Variants in GZMA observed in about 807,000 individuals in gnomAD.
GZMA encodes CTL tryptase.
Under a neutral mutation model 21.1 loss-of-function variants are expected in GZMA, and 17 were observed. The observed-to-expected ratio is 0.81, with a 90% CI of 0.55 to 1.21. GZMA has a LOEUF of 1.21. Among genes scored for constraint, GZMA ranks in the 50% most tolerant of loss-of-function variants. The pLI, the probability that GZMA is intolerant of heterozygous loss-of-function variation, is 0.00. For missense variants in GZMA, 306 were observed against 315.9 expected (o/e 0.97, Z 0.24); for synonymous variants, 90 against 107.8 (o/e 0.83, Z 1.03).
In GZMA at chr5:55,108,288, T is replaced by C. The variant is rs1554048091; in HGVS notation, c.521T>C (p.Ile174Thr). 2 of 1,613,738 alleles carry C rather than the reference T, an allele frequency of 1.2e-6. No homozygotes were observed. The highest frequency in any genetic ancestry group is 8.5e-7 in the Non-Finnish European group (1 of 1,179,678). Residue 174 changes from isoleucine to threonine, a missense_variant, in exon 4 of 5, where the codon ATA becomes ACA. Physicochemically the swap from Ile to Thr is moderately conservative, Grantham distance 89 (BLOSUM62 -1). Transcript: ENST00000274306. The stretch of plus-strand genomic sequence containing the variant: ...CTGAGAGAAGTCAATATCACCATCA[T>C]AGACAGAAAAGTCTGCAATGATCGA... The part of the protein sequence containing the change: ...DTLREVNITI[I>T]DRKVCNDRNH...
At position 55,107,800 on chromosome 5, in the gene GZMA, A is replaced by G; in HGVS notation, c.222A>G (p.Lys74=). The change falls in exon 3 of 5, where the codon AAA becomes AAG. Residue 74 remains lysine, a synonymous_variant. Transcript: ENST00000274306. The part of the protein sequence containing the change: ...VLTAAHCNLN[K]RSQVILGAHS... The stretch of plus-strand genomic sequence containing the variant: ...ATGTTGTGTCTGTTCTCAGGAACAA[A>G]AGGTCCCAGGTCATTCTTGGGGCTC... The G allele has an allele frequency of 6.2e-7, 1 of 1,612,364 alleles. No individual in the cohort carries two copies. Among genetic ancestry groups the G allele is most frequent in the Non-Finnish European group, 8.5e-7 (1 of 1,178,786 alleles).
Position 55,107,810 on chromosome 5 carries a change from G to A in GZMA, c.232G>A (p.Val78Ile), listed in dbSNP as rs752702531. 2 of 1,613,042 alleles carry A rather than the reference G, an allele frequency of 1.2e-6. No individual in the cohort carries two copies. Among genetic ancestry groups the A allele is most frequent in the South Asian group, 2.2e-5 (2 of 91,026 alleles). Residue 78 changes from valine (V) to isoleucine (I), a missense_variant, in exon 3 of 5, where the codon GTC becomes ATC. Transcript: ENST00000274306. ...AHCNLNKRSQ[V>I]ILGAHSITRE... Reference sequence around the variant, plus strand: ...TGTTCTCAGGAACAAAAGGTCCCAGGTCATTCTTGGGGCTCACTCAATAAC... The same window carrying A: ...TGTTCTCAGGAACAAAAGGTCCCAGATCATTCTTGGGGCTCACTCAATAAC...
rs754365765 is a variant in GZMA, at chr5:55,105,433, G to C, written c.71-41G>C. The C allele has an allele frequency of 1.0e-5, 16 of 1,583,516 alleles. No homozygotes were observed. The African/African-American group carries it at 1.5e-4, about 15-fold the overall frequency. ...ACATGACTTTGTGTAGAGCTCTTTG[G>C]GGGTGAGCACCAATCTGATTTGTCT... On this transcript the variant is annotated intron_variant, in intron 1 of 4. Coordinates refer to ENST00000274306, the MANE Select transcript of GZMA (RefSeq NM_006144.4).
rs745611072 is a variant in GZMA at position 55,110,219 on chromosome 5, CT to C, written c.*41del. 2.7e-6 allele frequency: 4 copies of C among 1,463,156 alleles called. No homozygotes were observed. In the Middle Eastern group the frequency reaches 6.7e-4, roughly 245 times the overall value. The allele number at this position is 1,463,156 out of a possible 1,614,324, so 90.6% of individuals were successfully genotyped here. The stretch of plus-strand genomic sequence containing the variant: ...CTTTCATTTACTGTGGCTTCTTAAT[CT>C]TTTCACAAATAAAATCAATTTGCAT... On this transcript the variant is annotated 3_prime_UTR_variant, in exon 5 of 5. Transcript: ENST00000274306.
intron 1 of GZMA, among the ~76,000 whole-genome samples, chr5:55,105,001 C>G (rs1169609868): frequency 6.6e-6 from 1 of 152,132 alleles, no homozygotes; most frequent in Admixed American, 6.5e-5. Context: ...CTAAACGATG[C>G]TAATATCGGT....
At chr5:55,106,639 G>A (rs1742422828) in intron 2 of GZMA, among the ~76,000 whole-genome samples, 2 of 152,170 alleles carry the variant, frequency 1.3e-5, no homozygotes, top group South Asian at 4.1e-4. Context: ...CAACCATCAA[G>A]TACAGAAAGC....
At chr5:55,109,923 G>A in intron 4 of GZMA, 98 bp from the exon 5 acceptor site, 1 of 762,766 alleles carries the variant, frequency 1.3e-6, no homozygotes, top group Non-Finnish European at 2.0e-6. Context: ...GTCAAGGTTG[G>A]TCTTAACTGC....
At chr5:55,107,108 G>C (rs975056884) in intron 2 of GZMA, among the ~76,000 whole-genome samples, 10 of 152,204 alleles carry the variant, frequency 6.6e-5, no homozygotes, top group African/African-American at 1.7e-4. Context: ...AAAAGAGGCA[G>C]TGTGCATAAT....
chr5:55,104,099 G>A (rs534349346), intron 1 of GZMA, among the ~76,000 whole-genome samples: 31 of 152,186 alleles, frequency 2.0e-4, no homozygotes, highest in South Asian at 8.3e-4. Context: ...TTATAAGCAG[G>A]GCATAGTATG....
chr5:55,105,439 A>G, intron 1 of GZMA, 35 bp from the exon 2 acceptor site: 1 of 1,552,862 alleles, frequency 6.4e-7, no homozygotes, highest in Non-Finnish European at 8.7e-7. Context: ...TTTGGGGGTG[A>G]GCACCAATCT....
At chr5:55,105,800 C>G (rs975270032) in intron 2 of GZMA, among the ~76,000 whole-genome samples, 182 bp downstream of exon 2, 1 of 151,656 alleles carries the variant, frequency 6.6e-6, no homozygotes, top group African/African-American at 2.4e-5. Context: ...TGGTGAAACC[C>G]CATCTCTATT....
Position 55,107,940 on chromosome 5 carries a change from G to C in GZMA, c.357+5G>C, listed in dbSNP as rs751393784. The C allele has an allele frequency of 3.4e-5, 55 of 1,610,452 alleles. No individual in the cohort carries two copies. Among genetic ancestry groups the C allele is most frequent in the Non-Finnish European group, 4.6e-5 (54 of 1,177,212 alleles). On this transcript the variant is annotated splice_donor_5th_base_variant and intron_variant, in intron 3 of 4. Transcript: ENST00000274306. ...GGTGACCTTAAACTTTTACAGGTACGTATCTTTGATTGTCTTCTCAAAAGT... is the reference window on the plus strand; with the variant it reads ...GGTGACCTTAAACTTTTACAGGTACCTATCTTTGATTGTCTTCTCAAAAGT...
At chr5:55,109,979 T>C (rs773163297) in intron 4 of GZMA, 42 bp from the exon 5 acceptor site, 3 of 1,468,782 alleles carry the variant, frequency 2.0e-6, no homozygotes, top group East Asian at 4.9e-5. Flanking sequence ...GTGGTAATGC[T>C]GAACACTGAC....
chr5:55,108,411 C>A lies in GZMA; in HGVS notation c.627+17C>A. On this transcript the variant is annotated intron_variant, in intron 4 of 4. Coordinates refer to ENST00000274306, the MANE Select transcript of GZMA (RefSeq NM_006144.4). ...TCGTGCAATGTAAGTAAAATAAGAT[C>A]CCACGTTTCAGCTATTGAATTAAGT... 1 of 1,593,830 alleles carries A rather than the reference C, an allele frequency of 6.3e-7. No homozygotes were observed. Among genetic ancestry groups the A allele is most frequent in the Non-Finnish European group, 8.6e-7 (1 of 1,165,706 alleles).
chr5:55,104,996 C>T (rs1437127104), intron 1 of GZMA, among the ~76,000 whole-genome samples: 8 of 152,134 alleles, frequency 5.3e-5, no homozygotes, highest in Non-Finnish European at 1.0e-4. Context: ...CACAGCTAAA[C>T]GATGCTAATA....
rs549686837 is a variant in GZMA, at chr5:55,105,607, T to A, written c.204T>A (p.Ala68=). ...LIAKDWVLTA[A]HCNLNKRSQV... is the part of the protein sequence containing the mutation. ...CAAAAGACTGGGTGTTGACTGCAGC[T>A]CACTGTAACTTGTAAGTGCCTGGGT... The change falls in exon 2 of 5, where the codon GCT becomes GCA. Residue 68 remains alanine (A), a synonymous_variant. Coordinates refer to ENST00000274306, the MANE Select transcript of GZMA (RefSeq NM_006144.4). The A allele has an allele frequency of 1.1e-5, 17 of 1,613,496 alleles. 1 individual carries two copies. In the South Asian group the frequency reaches 1.8e-4, roughly 17 times the overall value.
intron 1 of GZMA, among the ~76,000 whole-genome samples, chr5:55,104,772 C>T (rs926610962): frequency 6.6e-6 from 1 of 152,178 alleles, no homozygotes; most frequent in African/African-American, 2.4e-5. Context: ...AGACTATCAT[C>T]AAGGAAATGT....
chr5:55,102,973 G>A (rs1411016204), intron 1 of GZMA, among the ~76,000 whole-genome samples: 1 of 151,976 alleles, frequency 6.6e-6, no homozygotes, highest in Non-Finnish European at 1.5e-5. Context: ...TCCAGGCTGG[G>A]CGACATAGTG....
At chr5:55,103,223 G>T (rs1267427163) in intron 1 of GZMA, among the ~76,000 whole-genome samples, 1 of 152,104 alleles carries the variant, frequency 6.6e-6, no homozygotes, top group Non-Finnish European at 1.5e-5. Flanking sequence ...AGGAATAGTG[G>T]CAACTTAGTC....
Sources: allele counts gnomAD v4.1 joint callset (sites outside exome capture counted in the v4.1 genomes callset), GRCh38; gene constraint gnomAD v4.1.1; transcripts MANE v1.5; gene names NCBI Gene and HGNC (gene_info 2026-07-23, HGNC 2026-07-21).